Variants in SHF observed in about 807,000 individuals in gnomAD.
SHF encodes Src homology 2 domain containing F.
Under a neutral mutation model 42.4 loss-of-function variants are expected in SHF, and 30 were observed. The observed-to-expected ratio is 0.71, with a 90% CI of 0.53 to 0.96. The LOEUF is 0.96. Among genes scored for constraint, SHF ranks in the 40% least tolerant of loss-of-function variants. SHF has a pLI of 0.00. For missense variants in SHF, 598 were observed against 634.0 expected (o/e 0.94, Z 0.61); for synonymous variants, 264 against 269.9 (o/e 0.98, Z 0.21).
chr15:45,174,395 G>C (rs1203255543), intron 3 of SHF: 1 of 154,492 alleles, frequency 6.5e-6, no homozygotes, highest in Non-Finnish European at 1.4e-5. Flanking sequence ...ATCCTCAATG[G>C]TGTGTGCTTT....
chr15:45,168,106 C>T lies in SHF; in HGVS notation c.1308G>A (p.Lys436=). The change falls in exon 7 of 7, where the codon AAG becomes AAA. Residue 436 remains lysine (K), a synonymous_variant. Transcript: ENST00000690270. ...ATTTGTGTTCCTTGGTTCGGGACAGCTTCATGTGCATGAATCCCTGGCTGC... is the reference window on the plus strand; with the variant it reads ...ATTTGTGTTCCTTGGTTCGGGACAGTTTCATGTGCATGAATCCCTGGCTGC... ...LKSSQGFMHM[K]LSRTKEHKYV... 1 of 1,605,234 alleles carries T rather than the reference C, an allele frequency of 6.2e-7. No homozygotes were observed. The highest frequency in any genetic ancestry group is 1.1e-5 in the South Asian group (1 of 89,288).
chr15:45,189,135 T>C (rs1388951013), upstream of SHF, among the ~76,000 whole-genome samples: 2 of 150,240 alleles, frequency 1.3e-5, no homozygotes, highest in Admixed American at 6.6e-5. Flanking sequence ...AGAGGTTGCA[T>C]TGAGCTGAGA....
chr15:45,181,788 T>A (rs1337765562), intron 1 of SHF, among the ~76,000 whole-genome samples: 1 of 152,206 alleles, frequency 6.6e-6, no homozygotes, highest in African/African-American at 2.4e-5. Context: ...AAAGGACCTT[T>A]GGGGAAGACA....
chr15:45,186,832 G>A (rs1898434503), intron 1 of SHF, among the ~76,000 whole-genome samples: 1 of 152,268 alleles, frequency 6.6e-6, no homozygotes. Flanking sequence ...GGCAAGAGCT[G>A]TAAGCTGCCT....
At chr15:45,189,192 CAAAAAA>C (rs1166122506), upstream of SHF, among the ~76,000 whole-genome samples, 1 of 58,564 alleles carries the variant, frequency 1.7e-5, no homozygotes. Flanking sequence ...GACTCCGTCT[CAAAAAA>C]AAAAAAAAAA....
chr15:45,175,864 G>C (rs1342347167), intron 2 of SHF, among the ~76,000 whole-genome samples: 2 of 145,034 alleles, frequency 1.4e-5, no homozygotes, highest in African/African-American at 5.1e-5. Flanking sequence ...TCTCACCCAG[G>C]CTGGAGTGCA....
In SHF at chr15:45,172,307, C is replaced by T. The variant is rs756415261; in HGVS notation, c.1000G>A (p.Gly334Arg). Residue 334 changes from glycine to arginine, a missense_variant, in exon 5 of 7, where the codon GGA becomes AGA. Gly to Arg is a moderately radical substitution (Grantham distance 125). Around this residue, in one of 2 missense-constraint regions of SHF, gnomAD observed 439 missense variants for 524.6 expected, o/e 0.84. Transcript: ENST00000690270. ...SLEDSSAQFE[G>R]PEKSCLSPGR... is the part of the protein sequence containing the mutation. ...GGTGACAGGCAGCTCTTCTCCGGTC[C>T]TTCAAACTGGGCTGTGGGGAACATA... The T allele has an allele frequency of 8.7e-6, 14 of 1,603,348 alleles. No individual in the cohort carries two copies. The highest frequency in any genetic ancestry group is 1.7e-6 in the Non-Finnish European group (2 of 1,174,628).
At position 45,183,037 on chromosome 15, in the gene SHF, T is replaced by C. The variant is rs183421399; in HGVS notation, c.498+4417A>G. Among the ~76,000 whole-genome samples the C allele has an allele frequency of 3.0e-3, 462 of 152,340 alleles. 1 individual carries two copies. The highest frequency in any genetic ancestry group is 0.011 in the African/African-American group (439 of 41,582). On this transcript the variant is annotated intron_variant, in intron 1 of 6. Transcript: ENST00000690270. Reference sequence around the variant, plus strand: ...CACCTTGGGATTGGGTAGCAAGTGGTGGTCCCCAGCATTCAGGAAGTAGTA... The same window carrying C: ...CACCTTGGGATTGGGTAGCAAGTGGCGGTCCCCAGCATTCAGGAAGTAGTA...
chr15:45,183,589 T>C (rs1898233604), intron 1 of SHF, among the ~76,000 whole-genome samples: 1 of 152,204 alleles, frequency 6.6e-6, no homozygotes, highest in Admixed American at 6.5e-5. Flanking sequence ...TGGTGAGGGC[T>C]AATGGAGTGG....
At chr15:45,192,297 C>T (rs1898727722), upstream of SHF, among the ~76,000 whole-genome samples, 1 of 147,222 alleles carries the variant, frequency 6.8e-6, no homozygotes, top group Non-Finnish European at 1.5e-5. Context: ...CTTCAGGCAG[C>T]CTCCTGAGCC....
intron 6 of SHF, chr15:45,170,801 A>T (rs912388926): frequency 2.5e-5 from 5 of 199,952 alleles, no homozygotes; most frequent in Admixed American, 5.6e-5. Flanking sequence ...ACCAGTGCTC[A>T]CCATCACACC....
chr15:45,170,668 G>A, intron 6 of SHF: 1 of 256,634 alleles, frequency 3.9e-6, no homozygotes, highest in Non-Finnish European at 7.1e-6. Context: ...TTTTTTTTCT[G>A]AGACAGAGTC....
At chr15:45,188,719 C>T (rs1293293008), upstream of SHF, among the ~76,000 whole-genome samples, 1 of 152,228 alleles carries the variant, frequency 6.6e-6, no homozygotes, top group Non-Finnish European at 1.5e-5. Context: ...AGCATGCGCA[C>T]GCACGCAGAA....
chr15:45,199,994 A>T (rs1595653280), intron 1 of SHF: 1 of 135,958 alleles, frequency 7.4e-6, no homozygotes, highest in East Asian at 2.1e-4. Flanking sequence ...AAAAAAAAAA[A>T]GATTTTTCCT....
chr15:45,187,856 G>C lies in SHF; in HGVS notation c.96C>G (p.Ala32=). 9 of 1,090,356 alleles carry C rather than the reference G, an allele frequency of 8.3e-6. No individual in the cohort carries two copies. Among genetic ancestry groups the C allele is most frequent in the Non-Finnish European group, 9.2e-6 (8 of 872,312 alleles). The allele number at this position is 1,090,356 out of a possible 1,614,324, so 67.5% of individuals were successfully genotyped here. Residue 32 remains alanine (A), a synonymous_variant, in exon 1 of 7, where the codon GCC becomes GCG. Transcript: ENST00000690270. The part of the protein sequence containing the change: ...GGGPGGSRRG[A]GGAGAGPGGG... ...CTCCTGGGCCGGCTCCCGCACCCCC[G>C]GCGCCCCGGCGGGACCCCCCCGGGC...
Position 45,173,664 on chromosome 15 carries a change from C to T in SHF, c.900G>A (p.Leu300=). 1.3e-6 allele frequency: 2 copies of T among 1,551,668 alleles called. No individual in the cohort carries two copies. Among genetic ancestry groups the T allele is most frequent in the Non-Finnish European group, 8.7e-7 (1 of 1,146,960 alleles). The change falls in exon 4 of 7, where the codon CTG becomes CTA. Residue 300 remains leucine, a synonymous_variant. Coordinates refer to ENST00000690270, the MANE Select transcript of SHF (RefSeq NM_001394037.1). ...CATCAGGCAGGGAGGGGCTGCTGTC[C>T]AGCTGTCCCACAGGTGGAGGCCAAG... ...DLPWPPPVGQ[L]DSSPSLPDGD...
rs781388851 is a variant in SHF at position 45,167,940 on chromosome 15, T to C, written c.*7A>G. 2 of 1,588,900 alleles carry C rather than the reference T, an allele frequency of 1.3e-6. No homozygotes were observed. The highest frequency in any genetic ancestry group is 8.6e-7 in the Non-Finnish European group (1 of 1,163,856). On this transcript the variant is annotated 3_prime_UTR_variant, in exon 7 of 7. Coordinates refer to ENST00000690270, the MANE Select transcript of SHF (RefSeq NM_001394037.1). ...TACAGGTCTATCACAGTGCCCTGGCTTCACATCTAAAGAGTCCGGATGGCC... is the reference window on the plus strand; with the variant it reads ...TACAGGTCTATCACAGTGCCCTGGCCTCACATCTAAAGAGTCCGGATGGCC...
At chr15:45,198,508 G>C (rs1898942934) in intron 2 of SHF, 2 of 413,842 alleles carry the variant, frequency 4.8e-6, no homozygotes, top group Admixed American at 8.1e-5. Context: ...GGAGAGAAAC[G>C]TTGGTTCGTT....
chr15:45,175,404 G>C lies in SHF; in HGVS notation c.662C>G (p.Thr221Arg). The change falls in exon 3 of 7, where the codon ACA (threonine) becomes AGA (arginine). Residue 221 changes from threonine (T) to arginine (R), a missense_variant. Thr to Arg is a moderately conservative substitution (Grantham distance 71). This residue lies in a region of SHF where 439 missense variants were observed against 524.6 expected (regional missense o/e 0.84). Transcript: ENST00000690270. ...MMAEIRGSKE[T>R]ATQPLPLYDT... The stretch of plus-strand genomic sequence containing the variant: ...ATACAGAGGCAAGGGCTGAGTTGCT[G>C]TCTCCTTGGAGCCCCGGATCTCTGC... 1 of 1,588,976 alleles carries C rather than the reference G, an allele frequency of 6.3e-7. No homozygotes were observed. Among genetic ancestry groups the C allele is most frequent in the Non-Finnish European group, 8.6e-7 (1 of 1,167,482 alleles).
Sources: allele counts gnomAD v4.1 joint callset (sites outside exome capture counted in the v4.1 genomes callset), GRCh38; gene constraint gnomAD v4.1.1; regional missense constraint gnomAD v4.1.1; transcripts MANE v1.5; gene names NCBI Gene and HGNC (gene_info 2026-07-23, HGNC 2026-07-21).